Variants in ABCA12 observed in about 807,000 individuals in gnomAD.
ABCA12 encodes ATP binding cassette subfamily A member 12.
ABCA12 carries 156 observed loss-of-function variants against 293.5 expected under a neutral mutation model. The observed-to-expected ratio is 0.53, with a 90% CI of 0.47 to 0.61. ABCA12 has a LOEUF of 0.61. ABCA12 is among the 20% of genes least tolerant of loss of function. The pLI is 0.00. For missense variants in ABCA12, 2,797 were observed against 3,090.2 expected, an observed-to-expected ratio of 0.91 and a Z score of 2.25; for synonymous variants, 1,063 against 1,108.0, an observed-to-expected ratio of 0.96 and a Z score of 0.81.
chr2:215,080,120 C>T (rs894184804), intron 2 of ABCA12, among the ~76,000 whole-genome samples: 74 of 152,188 alleles, frequency 4.9e-4, no homozygotes, highest in African/African-American at 1.7e-3. Context: ...TCCTGCTCTG[C>T]TTGCTTACAG....
intron 1 of ABCA12, among the ~76,000 whole-genome samples, chr2:215,130,447 CTCCT>C (rs1290658143): frequency 1.3e-5 from 2 of 151,930 alleles, no homozygotes; most frequent in African/African-American, 4.8e-5. Context: ...GATCTTTCAC[CTCCT>C]TGGTTAAATA....
At chr2:215,095,976 C>A (rs1413372734) in intron 2 of ABCA12, among the ~76,000 whole-genome samples, 2 of 152,164 alleles carry the variant, frequency 1.3e-5, no homozygotes, top group East Asian at 1.9e-4. Flanking sequence ...TGATTAAAAG[C>A]TTTATTGCTC....
rs5838480 is a variant in ABCA12 at position 215,025,628 on chromosome 2, GTTT to G, written c.1287+42_1287+44del. The stretch of plus-strand genomic sequence containing the variant: ...TTTTTTTTGTTTGTTTTGTCTTTTT[GTTT>G]TTTTTTTTGTTTTTTGTTTTTTTTT... On this transcript the variant is annotated intron_variant, in intron 11 of 52. Transcript: ENST00000272895. The G allele has an allele frequency of 1.3e-4, 151 of 1,203,000 alleles. 1 individual carries two copies. Among genetic ancestry groups the G allele is most frequent in the African/African-American group, 2.2e-4 (14 of 62,722 alleles). The allele number at this position is 1,203,000 out of a possible 1,614,324, so 74.5% of individuals were successfully genotyped here. A position where few individuals can be genotyped will look rare whatever the true frequency, so the allele number is the denominator to read the frequency against.
At chr2:215,102,427 T>C (rs1420321579) in intron 2 of ABCA12, among the ~76,000 whole-genome samples, 4 of 152,004 alleles carry the variant, frequency 2.6e-5, no homozygotes, top group African/African-American at 9.7e-5. Context: ...GGTGAAACCC[T>C]GTCTCTACTA....
chr2:215,056,344 C>T (rs1023925030), intron 3 of ABCA12, among the ~76,000 whole-genome samples: 2 of 152,042 alleles, frequency 1.3e-5, no homozygotes, highest in Non-Finnish European at 2.9e-5. Flanking sequence ...CATGGAAAGA[C>T]AAACTCATTC....
chr2:215,128,057 T>C (rs915808320), intron 1 of ABCA12, among the ~76,000 whole-genome samples: 1 of 152,226 alleles, frequency 6.6e-6, no homozygotes, highest in African/African-American at 2.4e-5. Context: ...TATATGACGC[T>C]TTGTTTTGCT....
At chr2:215,134,372 A>C (rs985333499) in intron 1 of ABCA12, among the ~76,000 whole-genome samples, 1 of 139,398 alleles carries the variant, frequency 7.2e-6, no homozygotes, top group Non-Finnish European at 1.6e-5. Context: ...ATGTGTATAT[A>C]TGTATATATG....
chr2:214,970,863 A>G (rs1322469362), intron 36 of ABCA12, among the ~76,000 whole-genome samples: 2 of 151,994 alleles, frequency 1.3e-5, no homozygotes, highest in South Asian at 4.1e-4. Context: ...GCAACCTAAG[A>G]CTCAGCTTAG....
intron 2 of ABCA12, among the ~76,000 whole-genome samples, chr2:215,109,927 G>C (rs1702536703): frequency 6.6e-6 from 1 of 152,160 alleles, no homozygotes; most frequent in African/African-American, 2.4e-5. Context: ...AAAATTGATA[G>C]TTAGCATATT....
rs1319987969 is a variant in ABCA12, at chr2:215,134,616, T to TATATAG, written c.69+3523_69+3524insCTATAT. ...CTCTCTCTCTATATATATATATATATAGAGAGAGAGAGAGAGAGAGAGAGA... is the reference window on the plus strand; with the variant it reads ...CTCTCTCTCTATATATATATATATATATATAGAGAGAGAGAGAGAGAGAGAGAGAGA... On this transcript the variant is annotated intron_variant, in intron 1 of 52. Transcript: ENST00000272895. 1.1e-4 allele frequency among the ~76,000 whole-genome samples: 9 copies of TATATAG among 80,660 alleles called. 1 individual carries two copies. Among genetic ancestry groups the TATATAG allele is most frequent in the African/African-American group, 5.8e-4 (9 of 15,462 alleles). The allele number at this position is 80,660 out of a possible 152,430, so 52.9% of individuals were successfully genotyped here. A position where few individuals can be genotyped will look rare whatever the true frequency, so the allele number is the denominator to read the frequency against.
At chr2:214,933,020 G>T (rs1183250641) in intron 52 of ABCA12, among the ~76,000 whole-genome samples, 1 of 152,082 alleles carries the variant, frequency 6.6e-6, no homozygotes, top group Non-Finnish European at 1.5e-5. Flanking sequence ...TTAAGCCATA[G>T]TTGACTATCT....
At chr2:215,027,199 A>C (rs1375441635) in intron 9 of ABCA12, among the ~76,000 whole-genome samples, 1 of 152,010 alleles carries the variant, frequency 6.6e-6, no homozygotes, top group African/African-American at 2.4e-5. Context: ...AAAAAAAATT[A>C]GCCGGGCGTG....
At chr2:215,074,948 T>A (rs1701806597) in intron 2 of ABCA12, among the ~76,000 whole-genome samples, 1 of 151,488 alleles carries the variant, frequency 6.6e-6, no homozygotes, top group Non-Finnish European at 1.5e-5. Flanking sequence ...TCTCAAAAAA[T>A]AAAAATAAAA....
In ABCA12 at chr2:214,945,163, T is replaced by C. The variant is rs1014083697; in HGVS notation, c.7240-59A>G. Reference sequence around the variant, plus strand: ...TTAATTAATTTTTGATGAAGTTCTTTTCATGAATTACTGCATTTCACTTCC... The same window carrying C: ...TTAATTAATTTTTGATGAAGTTCTTCTCATGAATTACTGCATTTCACTTCC... On this transcript the variant is annotated intron_variant, in intron 48 of 52. Transcript: ENST00000272895. 2.0e-5 allele frequency: 27 copies of C among 1,373,390 alleles called. 1 individual carries two copies. The highest frequency in any genetic ancestry group is 2.6e-5 in the Non-Finnish European group (26 of 982,480). 85.1% of individuals were successfully genotyped at this position (1,373,390 alleles called of 1,614,324 possible). A position where few individuals can be genotyped will look rare whatever the true frequency, so the allele number is the denominator to read the frequency against.
At chr2:215,115,661 AG>A (rs1367998403) in intron 1 of ABCA12, among the ~76,000 whole-genome samples, 6 of 152,216 alleles carry the variant, frequency 3.9e-5, no homozygotes, top group African/African-American at 1.4e-4. Context: ...TTAGTGGGCC[AG>A]GGCATTCGTG....
At chr2:215,119,752 A>AAAAAAAAAACAAAAAAAAAAAAAAC (rs1203424589) in intron 1 of ABCA12, among the ~76,000 whole-genome samples, 1 of 142,966 alleles carries the variant, frequency 7.0e-6, no homozygotes, top group African/African-American at 2.9e-5. Flanking sequence ...AAAAAAAAAA[A>AAAAAAAAAACAAAAAAAAAAAAAAC]TGAAAACAAA....
chr2:215,075,198 G>T (rs1412694570), intron 2 of ABCA12, among the ~76,000 whole-genome samples: 2 of 152,078 alleles, frequency 1.3e-5, no homozygotes, highest in African/African-American at 4.8e-5. Context: ...GGGGAAAATT[G>T]AGTAATGTTC....
intron 14 of ABCA12, among the ~76,000 whole-genome samples, chr2:215,017,111 C>G (rs560983101): frequency 4.6e-5 from 7 of 152,200 alleles, no homozygotes; most frequent in African/African-American, 1.2e-4. Flanking sequence ...ATGGGGGAAC[C>G]AATTAAAATG....
chr2:214,982,296 G>A lies in ABCA12; in HGVS notation c.4470C>T (p.Ser1490=), dbSNP rs1699685696. ...SGGMKRKLSI[S]IALIGGSRVV... ...CCCTTGATCCACCAATGAGAGCTAT[G>A]GATATAGATAACTTCCTCTTCATGC... is the stretch of plus-strand genomic sequence containing the variant. Residue 1490 remains serine (S), a synonymous_variant, in exon 30 of 53, where the codon TCC becomes TCT. Coordinates refer to ENST00000272895, the MANE Select transcript of ABCA12 (RefSeq NM_173076.3). 3.7e-6 allele frequency: 6 copies of A among 1,613,940 alleles called. No homozygotes were observed. The highest frequency in any genetic ancestry group is 5.1e-6 in the Non-Finnish European group (6 of 1,179,994).
Sources: allele counts gnomAD v4.1 joint callset (sites outside exome capture counted in the v4.1 genomes callset), GRCh38; gene constraint gnomAD v4.1.1; transcripts MANE v1.5; gene names NCBI Gene and HGNC (gene_info 2026-07-23, HGNC 2026-07-21).